The following SYT1 variants were observed in gnomAD, a reference collection of about 807,000 sequenced individuals.
SYT1 encodes the protein synaptotagmin 1, also known as synaptotagmin-1.
SYT1 carries 8 observed loss-of-function variants against 44.8 expected under a neutral mutation model. The observed-to-expected ratio is 0.18, with a 90% CI of 0.10 to 0.32. The LOEUF (loss-of-function observed/expected upper bound fraction) is 0.32, where lower values mean the gene tolerates loss of function less well. Among genes scored for constraint, SYT1 ranks in the 10% least tolerant of loss-of-function variants. SYT1 has a pLI of 1.00. For missense variants in SYT1, 286 were observed against 509.3 expected, an observed-to-expected ratio of 0.56 and a Z score of 4.22; for synonymous variants, 154 against 188.8, an observed-to-expected ratio of 0.82 and a Z score of 1.51.
intron 1 of SYT1, among the ~76,000 whole-genome samples, chr12:78,906,350 A>G (rs1319340495): frequency 1.3e-5 from 2 of 152,130 alleles, no homozygotes; most frequent in East Asian, 3.9e-4. Context: ...AGTATTTAAC[A>G]AATACTGGTG....
intron 2 of SYT1, among the ~76,000 whole-genome samples, chr12:79,019,379 A>G (rs1392745864): frequency 6.6e-6 from 1 of 152,074 alleles, no homozygotes; most frequent in Non-Finnish European, 1.5e-5. Flanking sequence ...AGTTTGAATT[A>G]CCATCAACAT....
chr12:79,215,301 T>C (rs2138552991), intron 3 of SYT1, among the ~76,000 whole-genome samples: 1 of 152,268 alleles, frequency 6.6e-6, no homozygotes, highest in Middle Eastern at 3.4e-3. Flanking sequence ...AACAAACTAA[T>C]ATGCCAGTGG....
At chr12:79,383,913 A>G (rs945769178) in intron 9 of SYT1, among the ~76,000 whole-genome samples, 1 of 152,192 alleles carries the variant, frequency 6.6e-6, no homozygotes, top group African/African-American at 2.4e-5. Flanking sequence ...GGCGCCAACC[A>G]TATAACCTGT....
At chr12:79,243,418 A>G (rs1876631538) in intron 4 of SYT1, among the ~76,000 whole-genome samples, 1 of 152,216 alleles carries the variant, frequency 6.6e-6, no homozygotes, top group Admixed American at 6.5e-5. Context: ...GTAAATTAAG[A>G]TAAGAATATT....
At chr12:79,310,491 G>T (rs188157106) in intron 8 of SYT1, among the ~76,000 whole-genome samples, 1 of 152,152 alleles carries the variant, frequency 6.6e-6, no homozygotes, top group East Asian at 1.9e-4. Flanking sequence ...GATTGACTTG[G>T]CAATGCAGGC....
At chr12:79,260,098 C>T (rs537035684) in intron 4 of SYT1, among the ~76,000 whole-genome samples, 5 of 152,270 alleles carry the variant, frequency 3.3e-5, no homozygotes, top group South Asian at 2.1e-4. Flanking sequence ...GTATTCTAAA[C>T]GAATGACTTG....
intron 3 of SYT1, among the ~76,000 whole-genome samples, chr12:79,124,133 C>G (rs1315867104): frequency 6.6e-6 from 1 of 152,162 alleles, no homozygotes; most frequent in Non-Finnish European, 1.5e-5. Flanking sequence ...AATAGCTGAT[C>G]AAAATTCATC....
chr12:79,052,198 T>A (rs999272776), intron 3 of SYT1, among the ~76,000 whole-genome samples: 1 of 152,072 alleles, frequency 6.6e-6, no homozygotes, highest in Non-Finnish European at 1.5e-5. Flanking sequence ...TCCTCTTTTA[T>A]TTCATTGAGC....
intron 3 of SYT1, among the ~76,000 whole-genome samples, chr12:79,160,331 A>G (rs1010713703): frequency 3.9e-5 from 6 of 152,182 alleles, no homozygotes; most frequent in African/African-American, 2.4e-5. Flanking sequence ...GCCCTAGCTC[A>G]GAAAAGAAGA....
At chr12:78,874,994 A>T (rs1182547364) in intron 1 of SYT1, among the ~76,000 whole-genome samples, 1 of 151,632 alleles carries the variant, frequency 6.6e-6, no homozygotes, top group Non-Finnish European at 1.5e-5. Context: ...AGACTTGAAG[A>T]AATTAAGCTT....
intron 9 of SYT1, among the ~76,000 whole-genome samples, chr12:79,365,928 CCAG>C: frequency 6.6e-6 from 1 of 150,956 alleles, no homozygotes; most frequent in Admixed American, 6.6e-5. Flanking sequence ...AACACTCAAT[CCAG>C]CAGCATTATT....
chr12:79,091,064 A>G (rs1446326486), intron 3 of SYT1, among the ~76,000 whole-genome samples: 1 of 151,954 alleles, frequency 6.6e-6, no homozygotes, highest in Non-Finnish European at 1.5e-5. Flanking sequence ...AAAAGGATAA[A>G]TTTTCAGAGC....
chr12:78,993,503 A>G lies in SYT1; in HGVS notation c.-84+15572A>G, dbSNP rs148172349. 2.1e-3 allele frequency among the ~76,000 whole-genome samples: 325 copies of G among 152,328 alleles called. 4 individuals carry two copies. Among genetic ancestry groups the G allele is most frequent in the African/African-American group, 7.6e-3 (317 of 41,572 alleles). On this transcript the variant is annotated intron_variant, in intron 2 of 10. Transcript: ENST00000261205. ...TGCTTACTGGCATGGATGCCCATTC[A>G]GAAATTCTGCTATTCTACTGGGACT...
At chr12:78,872,471 G>A (rs1873872211) in intron 1 of SYT1, among the ~76,000 whole-genome samples, 1 of 151,682 alleles carries the variant, frequency 6.6e-6, no homozygotes, top group South Asian at 2.1e-4. Context: ...ATGCATCGAA[G>A]CATATTACAC....
At chr12:79,166,078 T>A (rs1871207596) in intron 3 of SYT1, among the ~76,000 whole-genome samples, 1 of 152,024 alleles carries the variant, frequency 6.6e-6, no homozygotes, top group Non-Finnish European at 1.5e-5. Flanking sequence ...AACTTGGAAT[T>A]CTGAGATTTG....
chr12:79,005,759 T>C (rs973721892), intron 2 of SYT1, among the ~76,000 whole-genome samples: 1 of 152,042 alleles, frequency 6.6e-6, no homozygotes, highest in Non-Finnish European at 1.5e-5. Context: ...AGAATTAAAA[T>C]TGTCAGAGTT....
chr12:79,094,378 G>C (rs1168189804), intron 3 of SYT1, among the ~76,000 whole-genome samples: 1 of 151,902 alleles, frequency 6.6e-6, no homozygotes, highest in East Asian at 1.9e-4. Context: ...ATTTCTAGCA[G>C]TTTTAAAAGT....
In SYT1 at chr12:79,093,287, T is replaced by A. The variant is rs554765063; in HGVS notation, c.-18+45925T>A. ...AAAAATAAAGGTTCGAAGCATTCGA[T>A]CAAAAATAAGATCACAGGTTACTGT... On this transcript the variant is annotated intron_variant, in intron 3 of 10. Coordinates refer to ENST00000261205, the MANE Select transcript of SYT1 (RefSeq NM_005639.3). Among the ~76,000 whole-genome samples, 64 of 151,794 alleles carry A rather than the reference T, an allele frequency of 4.2e-4. No homozygotes were observed. In the South Asian group the frequency reaches 0.013, roughly 31 times the overall value.
At position 79,449,997 on chromosome 12, in the gene SYT1, A is replaced by G. The variant is rs1401300641; in HGVS notation, c.*873A>G. 1.3e-5 allele frequency: 2 copies of G among 151,936 alleles called. No homozygotes were observed. The highest frequency in any genetic ancestry group is 4.8e-5 in the African/African-American group (2 of 41,284). 9.4% of individuals were successfully genotyped at this position (151,936 alleles called of 1,614,324 possible). A position where few individuals can be genotyped will look rare whatever the true frequency, so the allele number is the denominator to read the frequency against. On this transcript the variant is annotated 3_prime_UTR_variant, in exon 11 of 11. Transcript: ENST00000261205. ...GGATGGGGGAGAAGAAGCTAAGGGGAGAAGTCAACATTTATGAAATATTGC... is the reference window on the plus strand; with the variant it reads ...GGATGGGGGAGAAGAAGCTAAGGGGGGAAGTCAACATTTATGAAATATTGC...
Sources: gnomAD v4.1 joint callset for allele counts (sites outside exome capture counted in the v4.1 genomes callset) on GRCh38, gnomAD v4.1.1 for gene constraint, MANE v1.5 for transcripts, NCBI Gene and HGNC (gene_info 2026-07-23, HGNC 2026-07-21) for gene names.